The following MYH11 variants were observed in gnomAD, a reference collection of about 807,000 sequenced individuals.
MYH11 encodes myosin-11.
Under a neutral mutation model 246.6 loss-of-function variants are expected in MYH11, and 80 were observed. The ratio of observed to expected loss-of-function variants is 0.32; its 90% confidence interval spans 0.27 to 0.39. The LOEUF (loss-of-function observed/expected upper bound fraction) is 0.39, where lower values mean the gene tolerates loss of function less well. Among genes scored for constraint, MYH11 ranks in the 10% least tolerant of loss-of-function variants. The pLI, the probability that MYH11 is intolerant of heterozygous loss-of-function variation, is 1.00. For synonymous variants in MYH11, 1,071 were observed against 1,015.5 expected, an observed-to-expected ratio of 1.05 and a Z score of -1.04; for missense variants, 2,158 against 2,546.8, an observed-to-expected ratio of 0.85 and a Z score of 3.29.
intron 27 of MYH11, among the ~76,000 whole-genome samples, chr16:15,730,549 A>G (rs1414484339): frequency 1.3e-5 from 2 of 152,120 alleles, no homozygotes; most frequent in Non-Finnish European, 2.9e-5. Context: ...TGCTCAAAAA[A>G]TAAACAAATA....
rs567285465 is a variant in MYH11, at chr16:15,748,102, G to A, written c.2125C>T (p.Arg709Cys). The change falls in exon 17 of 41, where the codon CGC becomes TGC. Residue 709 changes from arginine (R) to cysteine (C), a missense_variant. Physicochemically the swap from Arg to Cys is radical, Grantham distance 180 (BLOSUM62 -3). Coordinates refer to ENST00000300036, the MANE Select transcript of MYH11 (RefSeq NM_002474.3). Reference protein sequence around the residue: ...LRCNGVLEGIRICRQGFPNRI... With the variant: ...LRCNGVLEGICICRQGFPNRI... ...TTGGGGAAGCCCTGCCGGCAGATGC[G>A]AATGCCTTCCAGCACCCCATTGCAC... 2.5e-6 allele frequency: 4 copies of A among 1,614,114 alleles called. No individual in the cohort carries two copies. The highest frequency in any genetic ancestry group is 1.1e-5 in the South Asian group (1 of 91,088).
intron 22 of MYH11, among the ~76,000 whole-genome samples, chr16:15,740,794 T>TAAC (rs1440454411): frequency 6.6e-6 from 1 of 152,244 alleles, no homozygotes; most frequent in East Asian, 1.9e-4. Context: ...GATTTGCTTC[T>TAAC]AACAACAACA....
At chr16:15,818,957 G>A (rs11645494) in intron 3 of MYH11, among the ~76,000 whole-genome samples, 13,115 of 152,242 alleles carry the variant, frequency 0.086, 657 homozygotes, top group Middle Eastern at 0.12. Flanking sequence ...ATAGCACACT[G>A]CATTCTTGAA....
chr16:15,796,777 C>G (rs766807512), intron 4 of MYH11, among the ~76,000 whole-genome samples: 2 of 152,092 alleles, frequency 1.3e-5, no homozygotes, highest in Non-Finnish European at 2.9e-5. Context: ...TTGAAGATAC[C>G]ATGCTGCAGG....
At chr16:15,753,260 C>T (rs2041621530) in intron 15 of MYH11, 134 bp downstream of exon 15, 2 of 783,332 alleles carry the variant, frequency 2.6e-6, no homozygotes, top group Non-Finnish European at 4.4e-6. Context: ...ATCACCAGCC[C>T]ATGCCAATGC....
chr16:15,740,453 C>CA (rs1162779230), intron 22 of MYH11, among the ~76,000 whole-genome samples: 6 of 151,398 alleles, frequency 4.0e-5, no homozygotes, highest in Admixed American at 1.3e-4. Flanking sequence ...ACTAAAAATA[C>CA]AAAAAAAATT....
In MYH11 at chr16:15,740,453, CA is replaced by C. The variant is rs1162779230; in HGVS notation, c.2860-266del. ...TGAAACCCCGTCTCTACTAAAAATA[CA>C]AAAAAAATTAGCCAGGCATGGTGGT... On this transcript the variant is annotated intron_variant, in intron 22 of 40. Coordinates refer to ENST00000300036, the MANE Select transcript of MYH11 (RefSeq NM_002474.3). 3.3e-5 allele frequency among the ~76,000 whole-genome samples: 5 copies of C among 151,516 alleles called. No homozygotes were observed. In the South Asian group the frequency reaches 1.0e-3, roughly 32 times the overall value.
chr16:15,803,673 T>C (rs16967440), intron 3 of MYH11, among the ~76,000 whole-genome samples: 5,480 of 152,258 alleles, frequency 0.036, 311 homozygotes, highest in African/African-American at 0.12. Flanking sequence ...GATTTTGAGA[T>C]GGACAGACAG....
At chr16:15,717,443 C>G (rs562949950) in intron 37 of MYH11, 95 bp from the exon 38 acceptor site, 6 of 1,325,324 alleles carry the variant, frequency 4.5e-6, no homozygotes, top group South Asian at 1.2e-5. Context: ...GGCCTCTGCA[C>G]GAGTCCCTTG....
At chr16:15,816,489 G>T (rs1347412620) in intron 3 of MYH11, among the ~76,000 whole-genome samples, 1 of 152,078 alleles carries the variant, frequency 6.6e-6, no homozygotes, top group African/African-American at 2.4e-5. Context: ...ACAAAGCAGT[G>T]CAAAGCTCAG....
intron 3 of MYH11, among the ~76,000 whole-genome samples, chr16:15,811,343 T>C (rs1451433056): frequency 6.6e-6 from 1 of 152,198 alleles, no homozygotes; most frequent in African/African-American, 2.4e-5. Flanking sequence ...TCTTCCGTTA[T>C]ATGGGGACAA....
At chr16:15,848,672 A>C (rs2044260628) in intron 1 of MYH11, among the ~76,000 whole-genome samples, 1 of 152,174 alleles carries the variant, frequency 6.6e-6, no homozygotes, top group Non-Finnish European at 1.5e-5. Flanking sequence ...CACTCATGAC[A>C]ATCAAAAATG....
At chr16:15,835,528 A>T (rs1386089727) in intron 2 of MYH11, among the ~76,000 whole-genome samples, 2 of 152,168 alleles carry the variant, frequency 1.3e-5, no homozygotes, top group Admixed American at 6.5e-5. Flanking sequence ...GCTTTTTGTA[A>T]TTTTCATTTG....
Position 15,779,971 on chromosome 16 carries a change from C to T in MYH11, c.727-1128G>A, listed in dbSNP as rs568934652. On this transcript the variant is annotated intron_variant, in intron 6 of 40. Transcript: ENST00000300036. The stretch of plus-strand genomic sequence containing the variant: ...CTTGACAAAACCTTCAAACTTTCCC[C>T]ATTGGGAAACATGCAGTAGAGTGAT... Among the ~76,000 whole-genome samples the T allele has an allele frequency of 3.9e-5, 6 of 152,346 alleles. No homozygotes were observed. The East Asian group carries it at 1.2e-3, about 29-fold the overall frequency.
intron 9 of MYH11, among the ~76,000 whole-genome samples, chr16:15,764,925 A>G (rs950615063): frequency 1.3e-5 from 2 of 152,260 alleles, no homozygotes; most frequent in African/African-American, 2.4e-5. Context: ...GGTGTCTCCA[A>G]ACAAAAACGC....
intron 38 of MYH11, 30 bp downstream of exon 38, chr16:15,717,110 A>G (rs1443395669): frequency 1.2e-6 from 2 of 1,612,192 alleles, no homozygotes; most frequent in Non-Finnish European, 1.7e-6. Context: ...CCCCCCTGCA[A>G]ACTGGGTTCG....
At chr16:15,797,122 T>C (rs59298638) in intron 4 of MYH11, among the ~76,000 whole-genome samples, 1 of 152,090 alleles carries the variant, frequency 6.6e-6, no homozygotes, top group African/African-American at 2.4e-5. Context: ...CCAACTTTTG[T>C]TTTTTCCTGG....
intron 3 of MYH11, among the ~76,000 whole-genome samples, chr16:15,807,919 T>C (rs1453230854): frequency 1.3e-5 from 2 of 152,208 alleles, no homozygotes; most frequent in African/African-American, 4.8e-5. Context: ...TGGTGGATTC[T>C]GTCTGGGAAG....
intron 3 of MYH11, among the ~76,000 whole-genome samples, chr16:15,807,224 C>A (rs150553734): frequency 6.6e-6 from 1 of 152,134 alleles, no homozygotes. Context: ...AACTCCTGGC[C>A]TCAAGTGATC....
Sources: gnomAD v4.1 joint callset for allele counts (sites outside exome capture counted in the v4.1 genomes callset) on GRCh38, gnomAD v4.1.1 for gene constraint, MANE v1.5 for transcripts, NCBI Gene and HGNC (gene_info 2026-07-23, HGNC 2026-07-21) for gene names.